The following DHRSX variants were observed in gnomAD, a reference collection of about 807,000 sequenced individuals.
DHRSX encodes polyprenol dehydrogenase.
In DHRSX, 31 loss-of-function variants were observed where a neutral mutation model predicts 34.0. The ratio of observed to expected loss-of-function variants is 0.91; its 90% CI spans 0.69 to 1.23. The LOEUF (loss-of-function observed/expected upper bound fraction) is 1.23. DHRSX is among the 50% of genes most tolerant of loss of function. The pLI is 0.00. For synonymous variants in DHRSX, 201 were observed against 183.8 expected, an observed-to-expected ratio of 1.09 and a Z score of -0.76; for missense variants, 414 against 428.1, an observed-to-expected ratio of 0.97 and a Z score of 0.29.
chrX:2,475,608 C>T (rs1304342048), intron 1 of DHRSX, among the ~76,000 whole-genome samples: 1 of 150,646 alleles, frequency 6.6e-6, no homozygotes, highest in Non-Finnish European at 1.5e-5. Context: ...CAAGGGATCA[C>T]ACTCACTGAA....
intron 3 of DHRSX, among the ~76,000 whole-genome samples, chrX:2,331,436 GTTTTTTTTTTTTTTTT>G (rs1159991841): frequency 1.1e-5 from 1 of 94,658 alleles, no homozygotes; most frequent in Non-Finnish European, 2.2e-5. Flanking sequence ...AGGTTTTTTG[GTTTTTTTTTTTTTTTT>G]TTTTTTTTTT....
At chrX:2,448,426 T>G (rs1474773472) in intron 1 of DHRSX, among the ~76,000 whole-genome samples, 6 of 152,130 alleles carry the variant, frequency 3.9e-5, no homozygotes, top group African/African-American at 1.4e-4. Flanking sequence ...TAGTTAATAA[T>G]ACATCGCATC....
At chrX:2,427,858 T>C (rs929788334) in intron 1 of DHRSX, among the ~76,000 whole-genome samples, 1 of 152,192 alleles carries the variant, frequency 6.6e-6, no homozygotes, top group African/African-American at 2.4e-5. Flanking sequence ...AAAGCCTAAG[T>C]GTCCACCATC....
At chrX:2,431,352 ACC>A (rs1037343789) in intron 1 of DHRSX, among the ~76,000 whole-genome samples, 233 of 137,642 alleles carry the variant, frequency 1.7e-3, no homozygotes, top group African/African-American at 6.0e-3. Context: ...GACAAAAAAA[ACC>A]CCCAAACTTT....
At chrX:2,292,135 C>A (rs2041874259) in intron 3 of DHRSX, among the ~76,000 whole-genome samples, 1 of 152,068 alleles carries the variant, frequency 6.6e-6, no homozygotes, top group South Asian at 2.1e-4. Flanking sequence ...AGTCCCCTTT[C>A]CTTGAGTCTG....
At chrX:2,483,171 G>A (rs935216452) in intron 1 of DHRSX, among the ~76,000 whole-genome samples, 6 of 151,828 alleles carry the variant, frequency 4.0e-5, no homozygotes, top group African/African-American at 1.2e-4. Context: ...CTGCAGCCTC[G>A]ACTTTCCGGG....
At chrX:2,407,405 G>C (rs1420952750) in intron 3 of DHRSX, among the ~76,000 whole-genome samples, 2 of 152,170 alleles carry the variant, frequency 1.3e-5, no homozygotes, top group Non-Finnish European at 2.9e-5. Flanking sequence ...CAAAGGCCTT[G>C]AGTCAACACA....
At chrX:2,231,589 TCC>T (rs2015881531) in intron 6 of DHRSX, among the ~76,000 whole-genome samples, 1 of 88,558 alleles carries the variant, frequency 1.1e-5, no homozygotes, top group African/African-American at 5.8e-5. Flanking sequence ...CATCGTATCC[TCC>T]TTTTTCTTTT....
chrX:2,488,620 C>G (rs199777292), intron 1 of DHRSX: 1 of 1,578,838 alleles, frequency 6.3e-7, no homozygotes, highest in African/African-American at 1.4e-5. Flanking sequence ...ACTTGTAAGA[C>G]AACACGCTTC....
At chrX:2,276,351 A>G (rs1035843808) in intron 4 of DHRSX, among the ~76,000 whole-genome samples, 1 of 152,188 alleles carries the variant, frequency 6.6e-6, no homozygotes, top group African/African-American at 2.4e-5. Flanking sequence ...CATTCACGGA[A>G]TCTGTCTCTT....
intron 3 of DHRSX, among the ~76,000 whole-genome samples, chrX:2,310,157 C>A (rs1001328244): frequency 1.3e-5 from 2 of 152,054 alleles, no homozygotes; most frequent in Admixed American, 1.3e-4. Context: ...TTGTGGGTAG[C>A]AACAGCCGTC....
At chrX:2,474,614 C>T (rs1366025278) in intron 1 of DHRSX, among the ~76,000 whole-genome samples, 4 of 148,658 alleles carry the variant, frequency 2.7e-5, no homozygotes, top group East Asian at 3.9e-4. Context: ...TAAGGGACGG[C>T]GGCCATCTAC....
rs962304858 is a variant in DHRSX at position 2,345,449 on chromosome X, C to T, written c.287-53846G>A. 2.0e-5 allele frequency among the ~76,000 whole-genome samples: 3 copies of T among 151,612 alleles called. No individual in the cohort carries two copies. In the South Asian group the frequency reaches 6.3e-4, roughly 32 times the overall value. ...TCTGAGGTCAGGAGTTTGAGATCAGCCTGGCCAACATGGTGAAACCTTGTC... is the reference window on the plus strand; with the variant it reads ...TCTGAGGTCAGGAGTTTGAGATCAGTCTGGCCAACATGGTGAAACCTTGTC... On this transcript the variant is annotated intron_variant, in intron 3 of 6. Transcript: ENST00000334651.
chrX:2,433,165 TA>T (rs1275976099), intron 1 of DHRSX, among the ~76,000 whole-genome samples: 3 of 151,836 alleles, frequency 2.0e-5, no homozygotes, highest in Non-Finnish European at 2.9e-5. Context: ...ATAAGCAAAG[TA>T]AAAAATAAAT....
At chrX:2,237,731 C>CT (rs2016049332) in intron 6 of DHRSX, among the ~76,000 whole-genome samples, 1 of 152,026 alleles carries the variant, frequency 6.6e-6, no homozygotes, top group Non-Finnish European at 1.5e-5. Context: ...TCTTGAACTC[C>CT]TAACCTCACA....
intron 3 of DHRSX, among the ~76,000 whole-genome samples, chrX:2,299,854 CAA>C (rs36070145): frequency 0.17 from 24,306 of 146,062 alleles, 2,613 homozygotes; most frequent in Non-Finnish European, 0.24. Flanking sequence ...GACTATGTCT[CAA>C]AAAAAAAAAA....
intron 3 of DHRSX, among the ~76,000 whole-genome samples, chrX:2,296,864 CAGGAATAGGACCCAGGCAGAT>C (rs1319321191): frequency 7.2e-5 from 2 of 27,652 alleles, no homozygotes; most frequent in African/African-American, 2.5e-4. Flanking sequence ...CCCAGGCAGA[CAGGAATAGGACCCAGGCAGAT>C]AGGAATAGGA....
At chrX:2,479,057 C>T (rs767989645) in intron 1 of DHRSX, among the ~76,000 whole-genome samples, 3 of 151,896 alleles carry the variant, frequency 2.0e-5, no homozygotes, top group Non-Finnish European at 2.9e-5. Context: ...GGACCACCAC[C>T]GTGTGCACAC....
At chrX:2,450,227 G>T (rs1342601232) in intron 1 of DHRSX, among the ~76,000 whole-genome samples, 1 of 152,056 alleles carries the variant, frequency 6.6e-6, no homozygotes, top group East Asian at 1.9e-4. Context: ...AGGCCCACTT[G>T]TCAAGAACAG....
Sources: allele counts gnomAD v4.1 joint callset (sites outside exome capture counted in the v4.1 genomes callset), GRCh38; gene constraint gnomAD v4.1.1; transcripts MANE v1.5; gene names NCBI Gene and HGNC (gene_info 2026-07-23, HGNC 2026-07-21).